Variants in VPS13A observed in about 807,000 individuals in gnomAD.
VPS13A encodes intermembrane lipid transfer protein VPS13A.
Under a neutral mutation model 390.9 loss-of-function variants are expected in VPS13A, and 264 were observed. That is an observed-to-expected ratio of 0.68 (90% CI 0.61 to 0.75). The LOEUF (loss-of-function observed/expected upper bound fraction) is 0.75. VPS13A is among the 30% of genes least tolerant of loss of function. VPS13A has a pLI of 0.00. For missense variants in VPS13A, 3,409 were observed against 3,733.9 expected (o/e 0.91, Z 2.27); for synonymous variants, 1,231 against 1,227.1 (o/e 1.00, Z -0.07).
Position 77,199,938 on chromosome 9 carries a change from T to C in VPS13A, c.101-7T>C, listed in dbSNP as rs190684534. The C allele has an allele frequency of 5.7e-4, 907 of 1,600,224 alleles. 3 individuals are homozygous for C. The African/African-American group carries it at 0.011, about 19-fold the overall frequency. On this transcript the variant is annotated splice_polypyrimidine_tract_variant and splice_region_variant and intron_variant, in intron 1 of 71. Coordinates refer to ENST00000360280, the MANE Select transcript of VPS13A (RefSeq NM_033305.3). ...ATTGTTTGAATCTTTTTTTTAATCT[T>C]TTTTAGGAGCTGTGGCCCTCAAGAA...
chr9:77,179,366 T>G (rs1005505119), intron 1 of VPS13A, among the ~76,000 whole-genome samples: 1 of 152,194 alleles, frequency 6.6e-6, no homozygotes, highest in African/African-American at 2.4e-5. Context: ...CAGCTGCTCC[T>G]TTGCAGTTGA....
chr9:77,295,203 A>G (rs1261157918), intron 32 of VPS13A, among the ~76,000 whole-genome samples: 4 of 152,076 alleles, frequency 2.6e-5, no homozygotes, highest in Non-Finnish European at 5.9e-5. Flanking sequence ...TTACAAATAT[A>G]AATAAGCTCT....
rs34380259 is a variant in VPS13A, at chr9:77,263,107, C to CTT, written c.2427+2899_2427+2900dup. ...ATCTCTAGCATCTGTTGTTTCCCAACTTTTTTTTTTTTTTTTTGAGACGGA... is the reference window on the plus strand; with the variant it reads ...ATCTCTAGCATCTGTTGTTTCCCAACTTTTTTTTTTTTTTTTTTTGAGACGGA... On this transcript the variant is annotated intron_variant, in intron 23 of 71. Transcript: ENST00000360280. Among the ~76,000 whole-genome samples, 105 of 139,346 alleles carry CTT rather than the reference C, an allele frequency of 7.5e-4. 1 individual carries two copies. Among genetic ancestry groups the CTT allele is most frequent in the South Asian group, 5.6e-3 (24 of 4,312 alleles). The allele number at this position is 139,346 out of a possible 152,430, so 91.4% of individuals were successfully genotyped here. A position where few individuals can be genotyped will look rare whatever the true frequency, so the allele number is the denominator to read the frequency against.
At chr9:77,404,206 C>T (rs1834499101) in intron 69 of VPS13A, among the ~76,000 whole-genome samples, 2 of 152,248 alleles carry the variant, frequency 1.3e-5, no homozygotes, top group South Asian at 2.1e-4. Context: ...AGAGGCAGCC[C>T]ATTTTTTACT....
At chr9:77,205,547 T>G (rs902040545) in intron 4 of VPS13A, 139 bp downstream of exon 4, 3 of 358,388 alleles carry the variant, frequency 8.4e-6, no homozygotes, top group Non-Finnish European at 1.5e-5. Context: ...ATTAAATTGG[T>G]TTTTACTCTA....
chr9:77,260,628 TA>T (rs1466414888), intron 23 of VPS13A, among the ~76,000 whole-genome samples: 1 of 152,088 alleles, frequency 6.6e-6, no homozygotes, highest in East Asian at 1.9e-4. Flanking sequence ...GTGCTGGGCT[TA>T]CAGACGTGAG....
chr9:77,314,101 T>A lies in VPS13A; in HGVS notation c.4224T>A (p.Tyr1408Ter). The change falls in exon 36 of 72, where the codon TAT becomes TAA. Residue 1408 changes from tyrosine to a stop codon, truncating the protein, a stop_gained. Transcript: ENST00000360280. LOFTEE classifies it high-confidence loss of function. ...CTGATGATCTCACCATGGTGCTGTA[T>A]AGTCCAGGTCCTAAACAGGTAAGTC... ...FKTDDLTMVL[Y>*]SPGPKQASFT... 2 of 1,613,364 alleles carry A rather than the reference T, an allele frequency of 1.2e-6. No individual in the cohort carries two copies. Among genetic ancestry groups the A allele is most frequent in the Non-Finnish European group, 1.7e-6 (2 of 1,179,558 alleles).
chr9:77,339,030 T>A (rs1830680586), intron 47 of VPS13A: 1 of 176,592 alleles, frequency 5.7e-6, no homozygotes, highest in South Asian at 1.3e-4. Context: ...TTTGGAGAGA[T>A]ACATATGACG....
intron 22 of VPS13A, among the ~76,000 whole-genome samples, chr9:77,259,031 A>C (rs575459432): frequency 6.6e-6 from 1 of 152,130 alleles, no homozygotes; most frequent in African/African-American, 2.4e-5. Context: ...ATAGCTGATT[A>C]TAAGGGTACA....
At chr9:77,188,283 G>T (rs1457617171) in intron 1 of VPS13A, among the ~76,000 whole-genome samples, 1 of 152,154 alleles carries the variant, frequency 6.6e-6, no homozygotes, top group African/African-American at 2.4e-5. Flanking sequence ...AAATTACCCA[G>T]GCTCAGGTAT....
At chr9:77,222,605 C>T (rs919148681) in intron 13 of VPS13A, among the ~76,000 whole-genome samples, 2 of 152,114 alleles carry the variant, frequency 1.3e-5, no homozygotes, top group African/African-American at 4.8e-5. Context: ...CTGTCGGCAC[C>T]ATTTTTCCAA....
intron 45 of VPS13A, among the ~76,000 whole-genome samples, chr9:77,324,953 G>A (rs545161590): frequency 1.3e-5 from 2 of 152,118 alleles, no homozygotes; most frequent in Admixed American, 1.3e-4. Context: ...TTCCACGGGT[G>A]GGGGGCTGGG....
chr9:77,180,540 CTCCTGTGTTT>C (rs1823946746), intron 1 of VPS13A, among the ~76,000 whole-genome samples: 1 of 152,110 alleles, frequency 6.6e-6, no homozygotes, highest in Non-Finnish European at 1.5e-5. Context: ...CAAAGATGTT[CTCCTGTGTTT>C]TCTTAAGGAA....
intron 59 of VPS13A, 115 bp from the exon 60 acceptor site, chr9:77,365,345 A>T: frequency 1.4e-6 from 1 of 704,728 alleles, no homozygotes; most frequent in South Asian, 1.6e-5. Context: ...AGGCAATCAT[A>T]AGCAATGTTG....
At chr9:77,185,969 A>G (rs1253910551) in intron 1 of VPS13A, among the ~76,000 whole-genome samples, 4 of 152,188 alleles carry the variant, frequency 2.6e-5, no homozygotes, top group Non-Finnish European at 5.9e-5. Flanking sequence ...TCTACTAGAA[A>G]TACAAAAAAT....
At chr9:77,203,180 GGTT>G (rs1825431253) in intron 3 of VPS13A, among the ~76,000 whole-genome samples, 1 of 152,130 alleles carries the variant, frequency 6.6e-6, no homozygotes, top group African/African-American at 2.4e-5. Flanking sequence ...TTATAAAAGA[GGTT>G]GTCTTCTGTG....
At chr9:77,201,429 G>T (rs765929238) in intron 3 of VPS13A, 22 bp downstream of exon 3, 1 of 1,591,360 alleles carries the variant, frequency 6.3e-7, no homozygotes, top group Non-Finnish European at 8.6e-7. Flanking sequence ...TCATTATTGG[G>T]ATATCCTCCT....
chr9:77,223,981 G>T (rs965361192), intron 13 of VPS13A, among the ~76,000 whole-genome samples: 9 of 152,160 alleles, frequency 5.9e-5, no homozygotes, highest in Non-Finnish European at 8.8e-5. Flanking sequence ...TGAAGCCAGT[G>T]ATTCTTTGCC....
intron 1 of VPS13A, among the ~76,000 whole-genome samples, chr9:77,182,791 G>T (rs550879745): frequency 2.0e-5 from 3 of 152,182 alleles, no homozygotes; most frequent in Admixed American, 2.0e-4. Flanking sequence ...TGTAACATTA[G>T]AAGTTCAGAT....
Sources: gnomAD v4.1 joint callset for allele counts (sites outside exome capture counted in the v4.1 genomes callset) on GRCh38, gnomAD v4.1.1 for gene constraint, MANE v1.5 for transcripts, NCBI Gene and HGNC (gene_info 2026-07-23, HGNC 2026-07-21) for gene names.